Variants in STARD13 observed in about 807,000 individuals in gnomAD.
STARD13 encodes StAR related lipid transfer domain containing 13, also known as stAR-related lipid transfer protein 13.
Under a neutral mutation model 106.4 loss-of-function variants are expected in STARD13, and 62 were observed. That is an observed-to-expected ratio of 0.58 (90% CI 0.48 to 0.72). The LOEUF is 0.72. STARD13 is among the 30% of genes least tolerant of loss of function. STARD13 has a pLI of 0.00. For missense variants in STARD13, 1,387 were observed against 1,424.0 expected (o/e 0.97, Z 0.42); for synonymous variants, 565 against 553.0 (o/e 1.02, Z -0.31).
chr13:33,502,436 T>G, the STARD13 span, among the ~76,000 whole-genome samples: 3 of 152,194 alleles, frequency 2.0e-5, no homozygotes, highest in Non-Finnish European at 2.9e-5. Context: ...ATAGGAGTGG[T>G]GAGAGAGGGC....
At chr13:33,244,183 T>C (rs1256719420) in intron 1 of STARD13, among the ~76,000 whole-genome samples, 1 of 151,920 alleles carries the variant, frequency 6.6e-6, no homozygotes, top group Non-Finnish European at 1.5e-5. Flanking sequence ...GCCGATACCA[T>C]GAAAGCTGAA....
the STARD13 span, among the ~76,000 whole-genome samples, chr13:33,448,885 T>A: frequency 2.5e-4 from 38 of 152,314 alleles, no homozygotes; most frequent in Admixed American, 2.2e-3. Flanking sequence ...GCCATTTGTA[T>A]GTCTTAAGAA....
intron 1 of STARD13, among the ~76,000 whole-genome samples, chr13:33,264,173 C>A (rs987147174): frequency 2.0e-5 from 3 of 152,216 alleles, no homozygotes; most frequent in Non-Finnish European, 4.4e-5. Context: ...AGCCCAGTCA[C>A]TGAGCCAGGC....
chr13:33,619,430 C>T, the STARD13 span, among the ~76,000 whole-genome samples: 1 of 152,038 alleles, frequency 6.6e-6, no homozygotes, highest in Admixed American at 6.5e-5. Flanking sequence ...ATGTTTGAGC[C>T]CCATGTTTGT....
chr13:33,482,055 T>C, the STARD13 span, among the ~76,000 whole-genome samples: 1 of 152,150 alleles, frequency 6.6e-6, no homozygotes, highest in African/African-American at 2.4e-5. Context: ...CTAAAAATTA[T>C]TGATAATTGT....
chr13:33,486,621 A>C, the STARD13 span, among the ~76,000 whole-genome samples: 7 of 152,126 alleles, frequency 4.6e-5, no homozygotes, highest in South Asian at 1.5e-3. Flanking sequence ...ATCTTTCCTT[A>C]TTGATGCTTT....
chr13:33,299,889 C>A (rs2138460297), intron 1 of STARD13, among the ~76,000 whole-genome samples: 1 of 152,250 alleles, frequency 6.6e-6, no homozygotes, highest in African/African-American at 2.4e-5. Context: ...AAGTTATTAA[C>A]CTGTGATGGA....
At chr13:33,342,999 T>C (rs1249951335) in intron 1 of STARD13, among the ~76,000 whole-genome samples, 1 of 152,188 alleles carries the variant, frequency 6.6e-6, no homozygotes, top group Non-Finnish European at 1.5e-5. Context: ...TTTTATAAAG[T>C]AGTCATATGC....
chr13:33,441,643 C>T, the STARD13 span, among the ~76,000 whole-genome samples: 6 of 152,232 alleles, frequency 3.9e-5, no homozygotes, highest in South Asian at 2.1e-4. Context: ...CAGATGCTTA[C>T]GATTATTAAC....
intron 3 of STARD13, among the ~76,000 whole-genome samples, chr13:33,146,379 G>A (rs377063869): frequency 6.6e-6 from 1 of 152,082 alleles, no homozygotes; most frequent in African/African-American, 2.4e-5. Flanking sequence ...AGCTACACAG[G>A]AGGCTGAAGT....
chr13:33,621,994 G>A, the STARD13 span, among the ~76,000 whole-genome samples: 1 of 151,598 alleles, frequency 6.6e-6, no homozygotes, highest in Non-Finnish European at 1.5e-5. Context: ...TAGTAGAGAA[G>A]GGGTTTCACC....
chr13:33,238,078 C>T (rs1010420117), intron 1 of STARD13, among the ~76,000 whole-genome samples: 2 of 152,152 alleles, frequency 1.3e-5, no homozygotes, highest in Admixed American at 6.5e-5. Flanking sequence ...TACAGGTGAC[C>T]TTGGATTACT....
chr13:33,288,407 A>G (rs1892157624), upstream of STARD13, among the ~76,000 whole-genome samples: 1 of 151,406 alleles, frequency 6.6e-6, no homozygotes, highest in Admixed American at 6.6e-5. Flanking sequence ...AGTAGCTGAG[A>G]CTCCAGGTGC....
the STARD13 span, among the ~76,000 whole-genome samples, chr13:33,567,818 T>C: frequency 6.8e-6 from 1 of 147,912 alleles, no homozygotes; most frequent in Non-Finnish European, 1.5e-5. Flanking sequence ...CATCTCCATG[T>C]CAAAATAGCT....
the STARD13 span, among the ~76,000 whole-genome samples, chr13:33,489,319 C>T: frequency 1.3e-5 from 2 of 152,286 alleles, no homozygotes; most frequent in East Asian, 3.9e-4. Flanking sequence ...TCTCTTTTAA[C>T]TTCCATAGGG....
chr13:33,139,352 T>G (rs143137341), intron 4 of STARD13, among the ~76,000 whole-genome samples: 187 of 152,332 alleles, frequency 1.2e-3, no homozygotes, highest in Non-Finnish European at 2.1e-3. Context: ...TTTATGCAAC[T>G]GTGACATGGA....
chr13:33,344,740 T>C (rs529346140), downstream of STARD13, among the ~76,000 whole-genome samples: 2 of 152,356 alleles, frequency 1.3e-5, no homozygotes, highest in South Asian at 4.1e-4. Flanking sequence ...GTGTCTATGA[T>C]AAATGATTTA....
intron 10 of STARD13, among the ~76,000 whole-genome samples, 159 bp from the exon 11 acceptor site, chr13:33,111,066 G>A (rs986256950): frequency 6.6e-6 from 1 of 152,226 alleles, no homozygotes; most frequent in African/African-American, 2.4e-5. Flanking sequence ...AGGCCGGGAG[G>A]GGCCTTCCTA....
chr13:33,632,857 C>T, the STARD13 span, among the ~76,000 whole-genome samples: 26 of 149,474 alleles, frequency 1.7e-4, no homozygotes, highest in South Asian at 1.3e-3. Flanking sequence ...ATAAGCAAGA[C>T]GTAATTTCTT....
Sources: allele counts gnomAD v4.1 joint callset (sites outside exome capture counted in the v4.1 genomes callset), GRCh38; gene constraint gnomAD v4.1.1; transcripts MANE v1.5; gene names NCBI Gene and HGNC (gene_info 2026-07-23, HGNC 2026-07-21).